The following CDH13 variants were observed in gnomAD, a reference collection of about 807,000 sequenced individuals.
The protein encoded by CDH13 is cadherin 13, also known as cadherin-13.
In CDH13, 24 loss-of-function variants were observed where a neutral mutation model predicts 63.8. That is an observed-to-expected ratio of 0.38 (90% CI 0.27 to 0.53). CDH13 has a LOEUF of 0.53. Among genes scored for constraint, CDH13 ranks in the 20% least tolerant of loss-of-function variants. The probability of loss-of-function intolerance (pLI) is 0.85; values close to 1 mark genes in which losing one functional copy is unlikely to be tolerated. For missense variants in CDH13, 1,049 were observed against 903.1 expected (o/e 1.16, Z -2.07); for synonymous variants, 503 against 355.3 (o/e 1.42, Z -4.67).
rs190155715 is a variant in CDH13, at chr16:82,681,894, C to T, written c.45+54757C>T. ...TGCGTCTTGCTGGCTCCCAGAGGCCCCAGCCCGGTTGAGCTCCAGTTGCCT... is the reference window on the plus strand; with the variant it reads ...TGCGTCTTGCTGGCTCCCAGAGGCCTCAGCCCGGTTGAGCTCCAGTTGCCT... On this transcript the variant is annotated intron_variant, in intron 1 of 13. Transcript: ENST00000567109. Among the ~76,000 whole-genome samples, 11 of 152,306 alleles carry T rather than the reference C, an allele frequency of 7.2e-5. No individual in the cohort carries two copies. The East Asian group carries it at 2.1e-3, about 29-fold the overall frequency.
intron 1 of CDH13, among the ~76,000 whole-genome samples, chr16:82,696,455 C>G (rs968569623): frequency 6.6e-6 from 1 of 152,164 alleles, no homozygotes; most frequent in Non-Finnish European, 1.5e-5. Context: ...TTGGTAGTCA[C>G]AAGGTCTTTG....
intron 6 of CDH13, among the ~76,000 whole-genome samples, chr16:83,480,281 G>A (rs546116092): frequency 6.6e-5 from 10 of 152,230 alleles, no homozygotes; most frequent in East Asian, 1.9e-4. Context: ...ATACCACTGC[G>A]CTCCAACCTA....
chr16:83,075,902 C>T (rs1261140299), intron 3 of CDH13, among the ~76,000 whole-genome samples: 1 of 152,202 alleles, frequency 6.6e-6, no homozygotes, highest in Non-Finnish European at 1.5e-5. Flanking sequence ...CTGCAAAAAT[C>T]CTCTAAACAC....
chr16:83,117,261 C>T (rs1262504363), intron 3 of CDH13, among the ~76,000 whole-genome samples: 4 of 152,196 alleles, frequency 2.6e-5, no homozygotes, highest in Non-Finnish European at 5.9e-5. Context: ...CAGGTCCAGA[C>T]TGTCTCCTTC....
chr16:83,236,093 T>C (rs745997905), intron 5 of CDH13, among the ~76,000 whole-genome samples: 2 of 152,238 alleles, frequency 1.3e-5, no homozygotes, highest in South Asian at 2.1e-4. Flanking sequence ...AGAAGTACTT[T>C]AGTCTCCAAA....
intron 4 of CDH13, among the ~76,000 whole-genome samples, chr16:83,169,632 T>A (rs557813900): frequency 3.3e-5 from 5 of 152,026 alleles, no homozygotes; most frequent in Non-Finnish European, 7.4e-5. Flanking sequence ...CCTATTTGGG[T>A]GTTAATGGCT....
In CDH13 at chr16:83,036,231, C is replaced by G. The variant is rs567462691; in HGVS notation, c.366+4013C>G. Among the ~76,000 whole-genome samples, 4 of 150,866 alleles carry G rather than the reference C, an allele frequency of 2.7e-5. No individual in the cohort carries two copies. In the East Asian group the frequency reaches 7.9e-4, roughly 30 times the overall value. On this transcript the variant is annotated intron_variant, in intron 3 of 13. Transcript: ENST00000567109. The stretch of plus-strand genomic sequence containing the variant: ...ATGGTACAATCTCAGCTCACTGCAA[C>G]CTCCACCTCCTGGGTTCAAGTGATT...
intron 7 of CDH13, among the ~76,000 whole-genome samples, chr16:83,574,153 G>A (rs747599303): frequency 6.6e-6 from 1 of 152,100 alleles, no homozygotes; most frequent in Non-Finnish European, 1.5e-5. Context: ...ATAAGTGCCT[G>A]GGTCATAGAA....
At chr16:83,083,085 C>A (rs2033361645) in intron 3 of CDH13, among the ~76,000 whole-genome samples, 1 of 152,194 alleles carries the variant, frequency 6.6e-6, no homozygotes, top group Non-Finnish European at 1.5e-5. Flanking sequence ...GATATTCTTT[C>A]ATGTTCTCTA....
Position 83,429,068 on chromosome 16 carries a change from G to T in CDH13, c.782-57409G>T, listed in dbSNP as rs139441819. ...AGTTACCAAAGGAAGAAAGAGGAAA[G>T]CCTTATCCTTTGAAAGATGGCATTA... On this transcript the variant is annotated intron_variant, in intron 6 of 13. Transcript: ENST00000567109. Among the ~76,000 whole-genome samples, 68 of 152,362 alleles carry T rather than the reference G, an allele frequency of 4.5e-4. No individual in the cohort carries two copies. In the East Asian group the frequency reaches 0.013, roughly 28 times the overall value.
rs867072319 is a variant in CDH13, at chr16:82,999,387, A to G, written c.158-32623A>G. 2.2e-4 allele frequency among the ~76,000 whole-genome samples: 33 copies of G among 152,268 alleles called. 1 individual carries two copies. Among genetic ancestry groups the G allele is most frequent in the Middle Eastern group, 3.4e-3 (1 of 294 alleles). On this transcript the variant is annotated intron_variant, in intron 2 of 13. Coordinates refer to ENST00000567109, the MANE Select transcript of CDH13 (RefSeq NM_001257.5). ...CAATAACAGGATTTAAGAGAATACC[A>G]CTTGTTCTTACCCCTTCAGTTCTCT...
chr16:83,147,298 G>A lies in CDH13; in HGVS notation c.483+21797G>A, dbSNP rs191715547. 3.3e-5 allele frequency among the ~76,000 whole-genome samples: 5 copies of A among 152,258 alleles called. No individual in the cohort carries two copies. In the East Asian group the frequency reaches 5.8e-4, roughly 18 times the overall value. On this transcript the variant is annotated intron_variant, in intron 4 of 13. Transcript: ENST00000567109. Reference sequence around the variant, plus strand: ...TCCGTCCACCCTTTCCTGAAGGTCCGTGTGAGGCCTGACCTTGCTTTGATT... The same window carrying A: ...TCCGTCCACCCTTTCCTGAAGGTCCATGTGAGGCCTGACCTTGCTTTGATT...
At chr16:82,776,853 G>A (rs1384225668) in intron 1 of CDH13, among the ~76,000 whole-genome samples, 1 of 152,198 alleles carries the variant, frequency 6.6e-6, no homozygotes. Context: ...CCAGCATTTT[G>A]CACAGAACCA....
At chr16:82,923,691 G>T (rs2042223239) in intron 2 of CDH13, among the ~76,000 whole-genome samples, 1 of 152,202 alleles carries the variant, frequency 6.6e-6, no homozygotes, top group Admixed American at 6.5e-5. Context: ...TAAATCATAT[G>T]AAACCAGAAC....
chr16:83,102,989 G>C (rs2034573444), intron 3 of CDH13, among the ~76,000 whole-genome samples: 1 of 85,088 alleles, frequency 1.2e-5, no homozygotes, highest in South Asian at 3.5e-4. Flanking sequence ...GTCCTGCTCT[G>C]TCACCCAGGT....
At chr16:83,767,096 C>A (rs78419740) in intron 11 of CDH13, among the ~76,000 whole-genome samples, 1 of 152,290 alleles carries the variant, frequency 6.6e-6, no homozygotes, top group African/African-American at 2.4e-5. Flanking sequence ...CTCACTGTGG[C>A]AAGACCAGGG....
intron 1 of CDH13, among the ~76,000 whole-genome samples, chr16:82,662,860 G>C (rs975661153): frequency 6.7e-6 from 1 of 150,346 alleles, no homozygotes; most frequent in African/African-American, 2.4e-5. Context: ...GGTGGTAGAG[G>C]TGTGTGCTTG....
intron 6 of CDH13, among the ~76,000 whole-genome samples, chr16:83,444,237 G>A (rs578162137): frequency 9.9e-5 from 15 of 152,272 alleles, no homozygotes; most frequent in Non-Finnish European, 1.9e-4. Context: ...TGATGATGAT[G>A]ATGACGATGA....
At chr16:82,776,559 T>A (rs1005082270) in intron 1 of CDH13, among the ~76,000 whole-genome samples, 4 of 152,200 alleles carry the variant, frequency 2.6e-5, no homozygotes, top group African/African-American at 9.7e-5. Context: ...ATATGAACCT[T>A]CTTTTCAAAT....
Sources: allele counts gnomAD v4.1 joint callset (sites outside exome capture counted in the v4.1 genomes callset), GRCh38; gene constraint gnomAD v4.1.1; transcripts MANE v1.5; gene names NCBI Gene and HGNC (gene_info 2026-07-23, HGNC 2026-07-21).